ARHGAP36: variants seen among roughly 807,000 people sequenced by gnomAD.
ARHGAP36 encodes the protein Rho GTPase activating protein 36.
ARHGAP36 carries 7 observed loss-of-function variants against 32.9 expected under a neutral mutation model. That is an observed-to-expected ratio of 0.21 (90% CI 0.12 to 0.40). The LOEUF is 0.40. ARHGAP36 is among the 10% of genes least tolerant of loss of function. The pLI, the probability that ARHGAP36 is intolerant of heterozygous loss-of-function variation, is 1.00. For synonymous variants in ARHGAP36, 165 were observed against 168.3 expected, an observed-to-expected ratio of 0.98 and a Z score of 0.15; for missense variants, 383 against 442.2, an observed-to-expected ratio of 0.87 and a Z score of 1.20.
chrX:131,058,496 C>T (rs2079652322), intron 1 of ARHGAP36, 52 bp downstream of exon 1: 2 of 979,176 alleles, frequency 2.0e-6, no homozygotes, highest in Non-Finnish European at 2.6e-6. Context: ...CGGGGGCGGC[C>T]GGCGGCTGCA....
chrX:131,071,294 C>G (rs145055993), intron 1 of ARHGAP36, among the ~76,000 whole-genome samples: 65 of 111,159 alleles, frequency 5.8e-4, no homozygotes, highest in African/African-American at 2.0e-3. Flanking sequence ...ACCTGGTGCT[C>G]TAGAATGTAT....
chrX:131,085,790 A>G (rs950114218), intron 8 of ARHGAP36, 54 bp downstream of exon 8: 1 of 1,192,025 alleles, frequency 8.4e-7, no homozygotes, highest in Non-Finnish European at 1.1e-6. Context: ...CATATGTGGG[A>G]GTATATCAGC....
Position 131,086,628 on chromosome X carries a change from G to A in ARHGAP36, c.1449G>A (p.Arg483=). ...CAGTGGAAACCTCTGCTGAAGCCCG[G>A]GCTGCTGTCCTTGCTCAAAGCAAGC... The part of the protein sequence containing the change: ...SDPVETSAEA[R]AAVLAQSKPS... The change falls in exon 11 of 12, where the codon CGG becomes CGA. Residue 483 remains arginine, a synonymous_variant. Transcript: ENST00000276211. The A allele has an allele frequency of 8.3e-7, 1 of 1,211,907 alleles. No homozygotes were observed. Among genetic ancestry groups the A allele is most frequent in the Non-Finnish European group, 1.1e-6 (1 of 895,560 alleles).
rs2079693535 is a variant in ARHGAP36 at position 131,065,462 on chromosome X, AGGTGGAAGTGAAGC to A, written c.-143+7019_-143+7032del. Among the ~76,000 whole-genome samples, 8 of 111,562 alleles carry A rather than the reference AGGTGGAAGTGAAGC, an allele frequency of 7.2e-5. No homozygotes were observed. In the South Asian group the frequency reaches 3.1e-3, roughly 43 times the overall value. ...AGGCCTCACATGAACAGCTGTGAGG[AGGTGGAAGTGAAGC>A]CAGTATATTCAGAGGAGAATGAGGA... is the stretch of plus-strand genomic sequence containing the variant. On this transcript the variant is annotated intron_variant, in intron 1 of 11. Transcript: ENST00000276211.
intron 3 of ARHGAP36, 73 bp from the exon 4 acceptor site, chrX:131,083,661 A>C: frequency 9.6e-7 from 1 of 1,043,497 alleles, no homozygotes; most frequent in Non-Finnish European, 1.3e-6. Flanking sequence ...GGAGTGCTAC[A>C]GCCCCTGCTT....
At chrX:131,063,752 C>T (rs2079682448) in intron 1 of ARHGAP36, among the ~76,000 whole-genome samples, 1 of 107,481 alleles carries the variant, frequency 9.3e-6, no homozygotes, top group Non-Finnish European at 1.9e-5. Flanking sequence ...CTTGATCTTC[C>T]ACCACCGCTC....
At position 131,081,625 on chromosome X, in the gene ARHGAP36, A is replaced by G; in HGVS notation, c.-41A>G. The G allele has an allele frequency of 1.0e-6, 1 of 987,914 alleles. No homozygotes were observed. Among genetic ancestry groups the G allele is most frequent in the Non-Finnish European group, 1.3e-6 (1 of 758,599 alleles). The allele number at this position is 987,914 out of a possible 1,213,427, so 81.4% of individuals were successfully genotyped here. On this transcript the variant is annotated 5_prime_UTR_variant, in exon 2 of 12. Transcript: ENST00000276211. ...ATAGTTCTCTCCACCAGGTCCAGTG[A>G]CAATTGGATGATGCAGCCTTGATAA...
chrX:131,084,863 A>T (rs1468631870), intron 6 of ARHGAP36, 51 bp from the exon 7 acceptor site: 2 of 1,200,816 alleles, frequency 1.7e-6, no homozygotes, highest in South Asian at 3.7e-5. Flanking sequence ...AATGACCAAG[A>T]TGGAGCTGTG....
intron 2 of ARHGAP36, 84 bp from the exon 3 acceptor site, chrX:131,083,081 G>A: frequency 2.0e-6 from 2 of 988,420 alleles, no homozygotes; most frequent in Middle Eastern, 2.7e-4. Context: ...CCCTCCCCCT[G>A]CTGCAGATCA....
intron 1 of ARHGAP36, among the ~76,000 whole-genome samples, chrX:131,067,087 G>T (rs2079702642): frequency 8.9e-6 from 1 of 112,432 alleles, no homozygotes; most frequent in East Asian, 2.8e-4. Flanking sequence ...CGAGCCCTCA[G>T]TTGAGAGGGA....
intron 7 of ARHGAP36, 136 bp from the exon 8 acceptor site, chrX:131,085,452 G>T: frequency 1.2e-6 from 1 of 812,596 alleles, no homozygotes; most frequent in Non-Finnish European, 1.7e-6. Context: ...AAATGCTTTG[G>T]AAATGAGCAA....
intron 3 of ARHGAP36, 54 bp downstream of exon 3, chrX:131,083,284 T>C: frequency 3.6e-6 from 4 of 1,123,722 alleles, no homozygotes; most frequent in Non-Finnish European, 4.8e-6. Context: ...TAACCCCCTG[T>C]GTAGTGTGGC....
intron 1 of ARHGAP36, among the ~76,000 whole-genome samples, chrX:131,069,714 A>G (rs1015546728): frequency 1.8e-5 from 2 of 111,628 alleles, no homozygotes; most frequent in African/African-American, 6.5e-5. Flanking sequence ...TGGTGATGCC[A>G]TTCACTGGCC....
Position 131,083,617 on chromosome X carries a change from G to C in ARHGAP36, c.320-117G>C, listed in dbSNP as rs755091020. 7 of 732,147 alleles carry C rather than the reference G, an allele frequency of 9.6e-6. No individual in the cohort carries two copies. In the South Asian group the frequency reaches 1.6e-4, roughly 17 times the overall value. The allele number at this position is 732,147 out of a possible 1,213,427, so 60.3% of individuals were successfully genotyped here. Reference sequence around the variant, plus strand: ...CCCAGGGAGGGGCGCTGCGGTTCTGGAGAGGTGGGGTTGGCTGCGGGTGGT... The same window carrying C: ...CCCAGGGAGGGGCGCTGCGGTTCTGCAGAGGTGGGGTTGGCTGCGGGTGGT... On this transcript the variant is annotated intron_variant, in intron 3 of 11. Coordinates refer to ENST00000276211, the MANE Select transcript of ARHGAP36 (RefSeq NM_144967.4).
chrX:131,081,991 A>G, intron 2 of ARHGAP36, 73 bp downstream of exon 2: 1 of 1,137,151 alleles, frequency 8.8e-7, no homozygotes, highest in Non-Finnish European at 1.2e-6. Context: ...GGGGCGGATT[A>G]GGGGTCTGGC....
chrX:131,082,403 C>T (rs1013305537), intron 2 of ARHGAP36, among the ~76,000 whole-genome samples: 5 of 112,498 alleles, frequency 4.4e-5, no homozygotes, highest in African/African-American at 1.6e-4. Flanking sequence ...GGCGCGGGGG[C>T]GGCGGCAGGA....
Position 131,085,895 on chromosome X carries a change from C to A in ARHGAP36, c.1105-18C>A. 2 of 1,208,990 alleles carry A rather than the reference C, an allele frequency of 1.7e-6. No homozygotes were observed. Among genetic ancestry groups the A allele is most frequent in the East Asian group, 5.9e-5 (2 of 33,833 alleles). ...GTACTACCTCAGCGTCAATCACTTT[C>A]TGCTTTCCTTTGCCTAGGTCCCAGG... On this transcript the variant is annotated intron_variant, in intron 8 of 11. Coordinates refer to ENST00000276211, the MANE Select transcript of ARHGAP36 (RefSeq NM_144967.4).
At position 131,083,829 on chromosome X, in the gene ARHGAP36, G is replaced by T. The variant is rs1291300663; in HGVS notation, c.415G>T (p.Val139Phe). 1 of 1,211,057 alleles carries T rather than the reference G, an allele frequency of 8.3e-7. No homozygotes were observed. The highest frequency in any genetic ancestry group is 2.2e-5 in the Admixed American group (1 of 45,962). ...KHLELTATMQ[V>F]EEATGQAAGR... ...TCTTGAACTGACAGCCACGATGCAGGTTGAAGAAGCCACCGGTCAGGCTGC... is the reference window on the plus strand; with the variant it reads ...TCTTGAACTGACAGCCACGATGCAGTTTGAAGAAGCCACCGGTCAGGCTGC... The change falls in exon 4 of 12, where the codon GTT becomes TTT. Residue 139 changes from valine (V) to phenylalanine (F), a missense_variant. Val to Phe is a conservative substitution (Grantham distance 50, BLOSUM62 -1). This residue lies in a region of ARHGAP36 where 156 missense variants were observed against 131.0 expected (regional missense o/e 1.19). Transcript: ENST00000276211.
At chrX:131,085,473 C>T (rs1483582735) in intron 7 of ARHGAP36, 115 bp from the exon 8 acceptor site, 4 of 932,362 alleles carry the variant, frequency 4.3e-6, no homozygotes, top group African/African-American at 4.0e-5. Flanking sequence ...AGGCAAGATG[C>T]CTGGGTACTT....
Sources: allele counts gnomAD v4.1 joint callset (sites outside exome capture counted in the v4.1 genomes callset), GRCh38; gene constraint gnomAD v4.1.1; regional missense constraint gnomAD v4.1.1; transcripts MANE v1.5; gene names NCBI Gene and HGNC (gene_info 2026-07-23, HGNC 2026-07-21).